EYS: variants seen among roughly 807,000 people sequenced by gnomAD.
EYS encodes the protein protein eyes shut homolog.
In EYS, 250 loss-of-function variants were observed where a neutral mutation model predicts 282.1. The observed-to-expected ratio is 0.89, with a 90% confidence interval of 0.80 to 0.98. The LOEUF (loss-of-function observed/expected upper bound fraction) is 0.98, where lower values mean the gene tolerates loss of function less well. EYS is among the 50% of genes least tolerant of loss of function. The pLI is 0.00. For synonymous variants in EYS, 1,355 were observed against 1,282.9 expected, an observed-to-expected ratio of 1.06 and a Z score of -1.20; for missense variants, 4,016 against 3,709.0, an observed-to-expected ratio of 1.08 and a Z score of -2.15.
At chr6:64,024,168 G>A (rs185900464) in intron 33 of EYS, among the ~76,000 whole-genome samples, 188 of 152,334 alleles carry the variant, frequency 1.2e-3, no homozygotes, top group African/African-American at 3.5e-3. Flanking sequence ...GCCCTGGTGC[G>A]GGATCCACTG....
chr6:65,498,121 G>C (rs1452862630), intron 2 of EYS, among the ~76,000 whole-genome samples: 1 of 151,976 alleles, frequency 6.6e-6, no homozygotes, highest in African/African-American at 2.4e-5. Context: ...AATCCAGGAA[G>C]ACCAGTTGGA....
intron 13 of EYS, among the ~76,000 whole-genome samples, chr6:65,035,008 T>C (rs1392391932): frequency 6.6e-6 from 1 of 152,122 alleles, no homozygotes; most frequent in Non-Finnish European, 1.5e-5. Flanking sequence ...AAAGAGCTAA[T>C]CCACCACAGT....
At chr6:64,005,940 G>A (rs535517132) in intron 33 of EYS, among the ~76,000 whole-genome samples, 37 of 152,022 alleles carry the variant, frequency 2.4e-4, no homozygotes, top group East Asian at 7.7e-4. Flanking sequence ...TTGGATTGCC[G>A]TGGTTATCCT....
chr6:64,796,951 T>C (rs1774373243), intron 22 of EYS, among the ~76,000 whole-genome samples: 1 of 152,044 alleles, frequency 6.6e-6, no homozygotes, highest in Non-Finnish European at 1.5e-5. Context: ...CGGCGGGTGG[T>C]GAAGGGAAAC....
intron 22 of EYS, among the ~76,000 whole-genome samples, chr6:64,786,199 T>TC (rs1774013027): frequency 6.6e-6 from 1 of 151,484 alleles, no homozygotes; most frequent in Admixed American, 6.6e-5. Context: ...TTTTTTTTTT[T>TC]TTTTTTGGTT....
At chr6:65,122,604 G>A (rs2150196866) in intron 12 of EYS, among the ~76,000 whole-genome samples, 1 of 152,138 alleles carries the variant, frequency 6.6e-6, no homozygotes, top group East Asian at 1.9e-4. Context: ...AATTATGTTA[G>A]TTTCAGTTTT....
intron 30 of EYS, among the ~76,000 whole-genome samples, chr6:64,246,943 T>C (rs1767042453): frequency 6.6e-6 from 1 of 152,200 alleles, no homozygotes; most frequent in African/African-American, 2.4e-5. Flanking sequence ...GCTATATTTT[T>C]ACTTAATGGC....
intron 5 of EYS, among the ~76,000 whole-genome samples, chr6:65,484,209 C>A (rs1315909005): frequency 2.0e-5 from 3 of 151,686 alleles, no homozygotes; most frequent in Non-Finnish European, 4.4e-5. Flanking sequence ...AAGATAGCAC[C>A]AGTTTATGCT....
chr6:64,958,762 A>AAT (rs1769812562), intron 14 of EYS, among the ~76,000 whole-genome samples: 1 of 148,694 alleles, frequency 6.7e-6, no homozygotes, highest in Non-Finnish European at 1.5e-5. Flanking sequence ...AAAAAAAAAA[A>AAT]AGAAACAATC....
intron 35 of EYS, 40 bp from the exon 36 acceptor site, chr6:63,864,398 C>T (rs1772622353): frequency 2.7e-6 from 4 of 1,480,498 alleles, no homozygotes; most frequent in South Asian, 1.2e-5. Context: ...TAGGAAACAA[C>T]TGATATTTTC....
intron 10 of EYS, among the ~76,000 whole-genome samples, chr6:65,339,536 C>T (rs1770119239): frequency 6.7e-6 from 1 of 150,064 alleles, no homozygotes; most frequent in African/African-American, 2.4e-5. Context: ...TAAACTTCAT[C>T]ATAGGTATGT....
At chr6:65,662,330 T>TCCATATAG (rs1246299224) in intron 1 of EYS, among the ~76,000 whole-genome samples, 1 of 152,138 alleles carries the variant, frequency 6.6e-6, no homozygotes, top group East Asian at 1.9e-4. Flanking sequence ...CAAGCTAATG[T>TCCATATAG]CCAATCTCAT....
intron 41 of EYS, among the ~76,000 whole-genome samples, chr6:63,739,244 G>A (rs1477284983): frequency 6.6e-6 from 1 of 152,098 alleles, no homozygotes; most frequent in Non-Finnish European, 1.5e-5. Flanking sequence ...GCAGACTCTG[G>A]GATGGAACTT....
intron 28 of EYS, among the ~76,000 whole-genome samples, chr6:64,416,410 G>A (rs1561982629): frequency 1.3e-5 from 2 of 151,992 alleles, no homozygotes; most frequent in Non-Finnish European, 2.9e-5. Flanking sequence ...ATTAACAAGA[G>A]CAGCAGTAAA....
chr6:64,898,547 A>T (rs1440128219), intron 18 of EYS, among the ~76,000 whole-genome samples: 7 of 151,984 alleles, frequency 4.6e-5, no homozygotes. Context: ...GCATCAACTA[A>T]TGGGCAAAAT....
chr6:65,585,855 A>G (rs978439386), intron 2 of EYS, among the ~76,000 whole-genome samples: 5 of 152,018 alleles, frequency 3.3e-5, no homozygotes, highest in Non-Finnish European at 7.4e-5. Flanking sequence ...AAAAATACTA[A>G]AAGGTTTAGT....
intron 5 of EYS, among the ~76,000 whole-genome samples, chr6:65,458,742 CA>C (rs966493778): frequency 1.3e-5 from 2 of 152,192 alleles, no homozygotes; most frequent in African/African-American, 4.8e-5. Context: ...TATTTGCCTA[CA>C]AAGCACATAC....
chr6:64,394,984 C>T (rs1773307576), intron 28 of EYS, among the ~76,000 whole-genome samples: 1 of 152,150 alleles, frequency 6.6e-6, no homozygotes, highest in African/African-American at 2.4e-5. Context: ...TATGAACAGA[C>T]ACTTCTCGAA....
intron 22 of EYS, among the ~76,000 whole-genome samples, chr6:64,738,121 T>A (rs1772244713): frequency 6.6e-6 from 1 of 152,178 alleles, no homozygotes; most frequent in African/African-American, 2.4e-5. Flanking sequence ...GGATTTGATG[T>A]AATTTAGATA....
Sources: allele counts gnomAD v4.1 joint callset (sites outside exome capture counted in the v4.1 genomes callset), GRCh38; gene constraint gnomAD v4.1.1; transcripts MANE v1.5; gene names NCBI Gene and HGNC (gene_info 2026-07-23, HGNC 2026-07-21).